Variants in GABRA2 observed in about 807,000 individuals in gnomAD.
GABRA2 encodes the protein gamma-aminobutyric acid type A receptor subunit alpha2, also known as gamma-aminobutyric acid receptor subunit alpha-2.
GABRA2 carries 16 observed loss-of-function variants against 48.7 expected under a neutral mutation model. The observed-to-expected ratio is 0.33, with a 90% CI of 0.22 to 0.50. GABRA2 has a LOEUF of 0.50. GABRA2 is among the 20% of genes least tolerant of loss of function. The pLI is 0.98. For missense variants in GABRA2, 275 were observed against 535.6 expected, an observed-to-expected ratio of 0.51 and a Z score of 4.80; for synonymous variants, 185 against 184.5, an observed-to-expected ratio of 1.00 and a Z score of -0.02.
In GABRA2 at chr4:46,312,590, A is replaced by C; in HGVS notation, c.382T>G (p.Phe128Val). Reference sequence around the variant, plus strand: ...GCTACTGATTTTTTCCCATTGTGAAAAAAGGTATCTGGAGTCCAGATTTTG... The same window carrying C: ...GCTACTGATTTTTTCCCATTGTGAACAAAGGTATCTGGAGTCCAGATTTTG... ...ASKIWTPDTF[F>V]HNGKKSVAHN... The change falls in exon 5 of 10, where the codon TTT (phenylalanine) becomes GTT (valine). Residue 128 changes from phenylalanine to valine, a missense_variant. This residue lies in a region of GABRA2 where 113 missense variants were observed against 257.1 expected (regional missense o/e 0.44). Transcript: ENST00000381620. 1 of 1,599,352 alleles carries C rather than the reference A, an allele frequency of 6.3e-7. No individual in the cohort carries two copies. The highest frequency in any genetic ancestry group is 8.5e-7 in the Non-Finnish European group (1 of 1,174,120).
At chr4:46,317,861 T>C (rs140733027) in intron 4 of GABRA2, among the ~76,000 whole-genome samples, 441 of 151,896 alleles carry the variant, frequency 2.9e-3, no homozygotes, top group African/African-American at 1.0e-2. Context: ...TAAAAATAAG[T>C]TTCATCTTAA....
chr4:46,385,904 T>C (rs952210484), intron 3 of GABRA2, among the ~76,000 whole-genome samples, 170 bp downstream of exon 3: 3 of 152,176 alleles, frequency 2.0e-5, no homozygotes, highest in African/African-American at 7.2e-5. Context: ...ATTATGTATG[T>C]ATAAAAGGAA....
chr4:46,266,017 G>C (rs906019030), intron 8 of GABRA2, among the ~76,000 whole-genome samples: 2 of 151,600 alleles, frequency 1.3e-5, no homozygotes, highest in Non-Finnish European at 2.9e-5. Flanking sequence ...CTCTATTGTG[G>C]TGTAAGAACA....
intron 3 of GABRA2, among the ~76,000 whole-genome samples, chr4:46,374,589 C>T (rs1053523740): frequency 2.0e-5 from 3 of 152,002 alleles, no homozygotes; most frequent in South Asian, 2.1e-4. Context: ...ATTGTACTAC[C>T]CATTATATCG....
At chr4:46,313,404 T>C (rs866715053) in intron 4 of GABRA2, among the ~76,000 whole-genome samples, 4 of 152,138 alleles carry the variant, frequency 2.6e-5, no homozygotes, top group Admixed American at 6.6e-5. Flanking sequence ...ATGACATTAG[T>C]TGTAATACAA....
intron 8 of GABRA2, among the ~76,000 whole-genome samples, chr4:46,291,499 G>A (rs1368589600): frequency 6.6e-6 from 1 of 152,094 alleles, no homozygotes; most frequent in African/African-American, 2.4e-5. Context: ...GGCTGGGAAA[G>A]GCAGACCTAC....
At chr4:46,306,772 T>C (rs1361613837) in intron 6 of GABRA2, among the ~76,000 whole-genome samples, 1 of 152,170 alleles carries the variant, frequency 6.6e-6, no homozygotes, top group Non-Finnish European at 1.5e-5. Context: ...GAAATCTCAT[T>C]CTCTGCAATC....
At position 46,247,056 on chromosome 4, in the gene GABRA2, T is replaced by C. The variant is rs1713840195; in HGVS notation, c.*3252A>G. ...AAAATAATAGATTCTGGGTTGTTTT[T>C]AAAAATAAACTATGAACTATTTAAG... On this transcript the variant is annotated 3_prime_UTR_variant, in exon 10 of 10. Transcript: ENST00000381620. Among the ~76,000 whole-genome samples, 3 of 151,276 alleles carry C rather than the reference T, an allele frequency of 2.0e-5. No individual in the cohort carries two copies. In the South Asian group the frequency reaches 6.2e-4, roughly 31 times the overall value.
chr4:46,307,937 A>G (rs1726987883), intron 6 of GABRA2, among the ~76,000 whole-genome samples: 1 of 152,214 alleles, frequency 6.6e-6, no homozygotes, highest in African/African-American at 2.4e-5. Context: ...AGAGGTCATA[A>G]TAATGTTTCT....
intron 8 of GABRA2, among the ~76,000 whole-genome samples, chr4:46,278,163 ACACT>A (rs1385116308): frequency 6.6e-6 from 1 of 152,202 alleles, no homozygotes; most frequent in African/African-American, 2.4e-5. Flanking sequence ...ACACTTATAC[ACACT>A]CACACAATAG....
intron 4 of GABRA2, among the ~76,000 whole-genome samples, chr4:46,314,677 T>A (rs560044197): frequency 2.6e-5 from 4 of 152,156 alleles, no homozygotes; most frequent in Non-Finnish European, 5.9e-5. Context: ...ATCGCTGTCA[T>A]CTTTATGTCC....
chr4:46,277,113 T>C (rs918007218), intron 8 of GABRA2, among the ~76,000 whole-genome samples: 2 of 152,186 alleles, frequency 1.3e-5, no homozygotes, highest in South Asian at 2.1e-4. Context: ...TTATTCATAA[T>C]TCGTGTGAAT....
intron 3 of GABRA2, among the ~76,000 whole-genome samples, chr4:46,377,180 C>T (rs1314436696): frequency 6.6e-6 from 1 of 151,996 alleles, no homozygotes; most frequent in South Asian, 2.1e-4. Flanking sequence ...TGAGGAGCGT[C>T]TCTGCCCGGC....
At chr4:46,290,949 G>A (rs189076438) in intron 8 of GABRA2, among the ~76,000 whole-genome samples, 26 of 152,146 alleles carry the variant, frequency 1.7e-4, no homozygotes, top group Admixed American at 1.6e-3. Context: ...ACTGGTCTTG[G>A]TGTATAATCT....
rs969484652 is a variant in GABRA2 at position 46,317,702 on chromosome 4, A to G, written c.256-4986T>C. ...TGTACAAACGAAAGTGGGAAACAAG[A>G]AAAAGAAATACCACACTCTGCCTAA... is the stretch of plus-strand genomic sequence containing the variant. On this transcript the variant is annotated intron_variant, in intron 4 of 9. Transcript: ENST00000381620. Among the ~76,000 whole-genome samples, 4 of 151,756 alleles carry G rather than the reference A, an allele frequency of 2.6e-5. No individual in the cohort carries two copies. In the East Asian group the frequency reaches 7.7e-4, roughly 29 times the overall value.
At chr4:46,361,998 G>T (rs1173869915) in intron 3 of GABRA2, among the ~76,000 whole-genome samples, 1 of 152,180 alleles carries the variant, frequency 6.6e-6, no homozygotes, top group Non-Finnish European at 1.5e-5. Flanking sequence ...ACTTGCTTTT[G>T]ATTTTACAGG....
intron 4 of GABRA2, among the ~76,000 whole-genome samples, chr4:46,319,142 T>C (rs1489083357): frequency 6.6e-6 from 1 of 151,704 alleles, no homozygotes; most frequent in Non-Finnish European, 1.5e-5. Flanking sequence ...TATTGCACAG[T>C]TTATCATATA....
rs149563857 is a variant in GABRA2 at position 46,312,432 on chromosome 4, T to C, written c.476+64A>G. 62 of 1,072,350 alleles carry C rather than the reference T, an allele frequency of 5.8e-5. 1 individual carries two copies. The African/African-American group carries it at 8.2e-4, about 14-fold the overall frequency. 66.4% of individuals were successfully genotyped at this position (1,072,350 alleles called of 1,614,324 possible). A position where few individuals can be genotyped will look rare whatever the true frequency, so the allele number is the denominator to read the frequency against. On this transcript the variant is annotated intron_variant, in intron 5 of 9. Transcript: ENST00000381620. ...GTTAATACTTGACAGCTAGATTGGC[T>C]GGTTGTTTAATACATGAAAATTTCT...
intron 3 of GABRA2, among the ~76,000 whole-genome samples, chr4:46,361,915 T>C (rs1713265214): frequency 6.6e-6 from 1 of 152,222 alleles, no homozygotes; most frequent in South Asian, 2.1e-4. Context: ...AGGCCCTTTG[T>C]TTTGGCCAAT....
Sources: gnomAD v4.1 joint callset for allele counts (sites outside exome capture counted in the v4.1 genomes callset) on GRCh38, gnomAD v4.1.1 for gene constraint, gnomAD v4.1.1 regional missense constraint, MANE v1.5 for transcripts, NCBI Gene and HGNC (gene_info 2026-07-23, HGNC 2026-07-21) for gene names.